CENPI: variants seen among roughly 807,000 people sequenced by gnomAD.
CENPI encodes the protein FSH primary response 1.
In CENPI, 4 loss-of-function variants were observed where a neutral mutation model predicts 60.4. The observed-to-expected ratio is 0.07, with a 90% CI of 0.03 to 0.15. CENPI has a LOEUF of 0.15. Ranked by LOEUF, CENPI falls within the 10% of genes least tolerant of loss-of-function variation. CENPI has a pLI of 1.00. For missense variants in CENPI, 444 were observed against 534.5 expected, an observed-to-expected ratio of 0.83 and a Z score of 1.67; for synonymous variants, 157 against 189.4, an observed-to-expected ratio of 0.83 and a Z score of 1.40.
At chrX:101,125,960 T>C (rs766918960) in intron 8 of CENPI, among the ~76,000 whole-genome samples, 1 of 111,950 alleles carries the variant, frequency 8.9e-6, no homozygotes, top group Non-Finnish European at 1.9e-5. Flanking sequence ...TTAGGAGATA[T>C]TTTCAACATA....
chrX:101,116,269 A>G lies in CENPI; in HGVS notation c.592-4133A>G, dbSNP rs148206228. ...GAATGAGGCCCAACGCAAATTCATA[A>G]GCTTTCTTAAAACATTATGAGATTT... is the stretch of plus-strand genomic sequence containing the variant. On this transcript the variant is annotated intron_variant, in intron 6 of 21. Transcript: ENST00000682095. Among the ~76,000 whole-genome samples, 1,093 of 110,718 alleles carry G rather than the reference A, an allele frequency of 9.9e-3. 14 individuals are homozygous for G. The highest frequency in any genetic ancestry group is 0.014 in the Non-Finnish European group (750 of 52,885).
chrX:101,167,683 C>G (rs1223525793), downstream of CENPI, among the ~76,000 whole-genome samples: 1 of 111,662 alleles, frequency 9.0e-6, no homozygotes, highest in Non-Finnish European at 1.9e-5. Context: ...TTAGCAAAAG[C>G]AATCATTCAA....
At chrX:101,127,735 T>C (rs1241722975) in intron 11 of CENPI, 70 bp downstream of exon 11, 1 of 890,471 alleles carries the variant, frequency 1.1e-6, no homozygotes, top group Non-Finnish European at 1.6e-6. Flanking sequence ...TTTTTGTTTG[T>C]TTGTTTGTTT....
chrX:101,109,276 T>C (rs906857182), intron 4 of CENPI, among the ~76,000 whole-genome samples, 197 bp from the exon 5 acceptor site: 2 of 109,509 alleles, frequency 1.8e-5, no homozygotes, highest in East Asian at 5.7e-4. Flanking sequence ...AGATAGGGTT[T>C]CTCCATGTTG....
At chrX:101,177,107 G>C in the CENPI span, among the ~76,000 whole-genome samples, 1 of 111,329 alleles carries the variant, frequency 9.0e-6, no homozygotes, top group African/African-American at 3.3e-5. Flanking sequence ...CTGTCTTTTG[G>C]GCTCCTAGGT....
the CENPI span, among the ~76,000 whole-genome samples, chrX:101,174,409 A>G: frequency 8.9e-5 from 10 of 112,286 alleles, no homozygotes; most frequent in Non-Finnish European, 1.9e-4. Flanking sequence ...AAAACATGGA[A>G]TCAACCTAGG....
rs139785489 is a variant in CENPI, at chrX:101,119,655, G to A, written c.592-747G>A. Among the ~76,000 whole-genome samples, 917 of 111,996 alleles carry A rather than the reference G, an allele frequency of 8.2e-3. 13 individuals are homozygous for A. Among genetic ancestry groups the A allele is most frequent in the African/African-American group, 0.028 (871 of 30,854 alleles). On this transcript the variant is annotated intron_variant, in intron 6 of 21. Transcript: ENST00000682095. ...ACAGATGGACACTGAAAATGAAATG[G>A]TAGAAGGGAATCAGTCATACAATAA...
intron 6 of CENPI, among the ~76,000 whole-genome samples, chrX:101,117,329 T>C (rs2089633930): frequency 9.0e-6 from 1 of 111,600 alleles, no homozygotes; most frequent in Non-Finnish European, 1.9e-5. Context: ...GCCTCCCAAG[T>C]AGCTGGGATT....
Position 101,132,447 on chromosome X carries a change from T to A in CENPI, c.1461T>A (p.Ile487=). The change falls in exon 15 of 22, where the codon ATT becomes ATA. Residue 487 remains isoleucine, a synonymous_variant. Transcript: ENST00000682095. ...HLAQLFFTST[I]YFKCSVLQSL... ...CGCAGCTCTTCTTTACATCAACCAT[T>A]TATTTCAAGGTAACAAAAACTTGTC... 1 of 1,207,710 alleles carries A rather than the reference T, an allele frequency of 8.3e-7. No homozygotes were observed. The highest frequency in any genetic ancestry group is 1.1e-6 in the Non-Finnish European group (1 of 892,221).
intron 20 of CENPI, among the ~76,000 whole-genome samples, chrX:101,161,096 C>T (rs969103935): frequency 2.7e-5 from 3 of 112,260 alleles, no homozygotes; most frequent in Admixed American, 1.9e-4. Flanking sequence ...AACCTGCCTA[C>T]ATCTGAAACA....
At position 101,109,806 on chromosome X, in the gene CENPI, C is replaced by G. The variant is rs150571269; in HGVS notation, c.484-85C>G. 2,943 of 669,454 alleles carry G rather than the reference C, an allele frequency of 4.4e-3. 71 individuals carry two copies. In the African/African-American group the frequency reaches 0.057, roughly 13 times the overall value. 55.2% of individuals were successfully genotyped at this position (669,454 alleles called of 1,213,427 possible). A position where few individuals can be genotyped will look rare whatever the true frequency, so the allele number is the denominator to read the frequency against. ...TGTGCCTGAAGCTTCTAAAATAGCCCTGGTGGCGGGGGACGGGGGGCGGAA... is the reference window on the plus strand; with the variant it reads ...TGTGCCTGAAGCTTCTAAAATAGCCGTGGTGGCGGGGGACGGGGGGCGGAA... On this transcript the variant is annotated intron_variant, in intron 5 of 21. Coordinates refer to ENST00000682095, the MANE Select transcript of CENPI (RefSeq NM_001386188.2).
chrX:101,175,928 C>T, the CENPI span, among the ~76,000 whole-genome samples: 1 of 111,075 alleles, frequency 9.0e-6, no homozygotes, highest in African/African-American at 3.3e-5. Context: ...CTTTATCCTC[C>T]GCCAACCCCC....
intron 4 of CENPI, among the ~76,000 whole-genome samples, chrX:101,102,871 T>TA (rs1556386699): frequency 9.7e-6 from 1 of 102,750 alleles, no homozygotes; most frequent in Non-Finnish European, 2.0e-5. Context: ...TTTTTTTTTT[T>TA]AGTAGGGACG....
At chrX:101,128,507 C>CA (rs918431120) in intron 11 of CENPI, among the ~76,000 whole-genome samples, 2 of 109,954 alleles carry the variant, frequency 1.8e-5, no homozygotes, top group African/African-American at 3.3e-5. Flanking sequence ...CAAAACAAAA[C>CA]AAAAAAAAAT....
intron 4 of CENPI, 133 bp from the exon 5 acceptor site, chrX:101,109,340 C>T (rs2089526828): frequency 4.0e-6 from 2 of 495,385 alleles, no homozygotes; most frequent in Non-Finnish European, 6.9e-6. Context: ...CATGGCCTCC[C>T]AAAGTGCTGG....
At chrX:101,140,052 G>A (rs1031682696) in intron 15 of CENPI, among the ~76,000 whole-genome samples, 20 of 110,992 alleles carry the variant, frequency 1.8e-4, no homozygotes, top group Non-Finnish European at 3.0e-4. Flanking sequence ...TAGCCAGGAT[G>A]GTCTCGATCT....
At chrX:101,124,796 G>A (rs970777431) in intron 8 of CENPI, among the ~76,000 whole-genome samples, 3 of 111,504 alleles carry the variant, frequency 2.7e-5, no homozygotes, top group African/African-American at 6.5e-5. Context: ...TTCCCCTTCC[G>A]CCATGTTTGT....
At chrX:101,119,305 G>C (rs1035338265) in intron 6 of CENPI, among the ~76,000 whole-genome samples, 7 of 112,497 alleles carry the variant, frequency 6.2e-5, no homozygotes, top group Non-Finnish European at 1.1e-4. Context: ...AGACTTTAAA[G>C]TTTAGAGTCA....
intron 6 of CENPI, among the ~76,000 whole-genome samples, chrX:101,116,467 G>A (rs1477749456): frequency 9.0e-6 from 1 of 111,348 alleles, no homozygotes; most frequent in African/African-American, 3.3e-5. Context: ...TTTTATATAA[G>A]GAACCTGAGA....
Sources: allele counts gnomAD v4.1 joint callset (sites outside exome capture counted in the v4.1 genomes callset), GRCh38; gene constraint gnomAD v4.1.1; transcripts MANE v1.5; gene names NCBI Gene and HGNC (gene_info 2026-07-23, HGNC 2026-07-21).